RBM41: variants seen among roughly 807,000 people sequenced by gnomAD.
RBM41 encodes the protein RNA binding motif protein 41, also known as RNA-binding protein 41.
RBM41 carries 14 observed loss-of-function variants against 30.8 expected under a neutral mutation model. That is an observed-to-expected ratio of 0.45 (90% CI 0.30 to 0.71). The LOEUF (loss-of-function observed/expected upper bound fraction) is 0.71. Among genes scored for constraint, RBM41 ranks in the 30% least tolerant of loss-of-function variants. The probability of loss-of-function intolerance (pLI) is 0.08; values close to 1 mark genes in which losing one functional copy is unlikely to be tolerated. For synonymous variants in RBM41, 120 were observed against 110.1 expected (o/e 1.09, Z -0.56); for missense variants, 276 against 326.3 (o/e 0.85, Z 1.19).
intron 5 of RBM41, among the ~76,000 whole-genome samples, chrX:107,105,643 C>T (rs777501530): frequency 9.0e-6 from 1 of 111,573 alleles, no homozygotes; most frequent in South Asian, 3.8e-4. Flanking sequence ...GTAACCAAAA[C>T]AGCATGGTAC....
chrX:107,104,954 G>A (rs1213287446), intron 5 of RBM41, among the ~76,000 whole-genome samples: 1 of 110,380 alleles, frequency 9.1e-6, no homozygotes, highest in Non-Finnish European at 1.9e-5. Flanking sequence ...TTGAAAACTG[G>A]CACAAGACAG....
chrX:107,110,217 T>C (rs1021611515), intron 5 of RBM41, among the ~76,000 whole-genome samples: 5 of 110,859 alleles, frequency 4.5e-5, no homozygotes, highest in Admixed American at 2.9e-4. Context: ...AAATGGATCA[T>C]AGATCTAAAT....
At chrX:107,052,582 T>C in the RBM41 span, among the ~76,000 whole-genome samples, 1 of 111,261 alleles carries the variant, frequency 9.0e-6, no homozygotes, top group South Asian at 3.8e-4. Context: ...GCCTTTGATG[T>C]CATTAACATC....
chrX:107,067,572 G>A lies in RBM41; in HGVS notation c.1269C>T (p.Leu423=). The A allele has an allele frequency of 8.3e-7, 1 of 1,210,383 alleles. No individual in the cohort carries two copies. Among genetic ancestry groups the A allele is most frequent in the Non-Finnish European group, 1.1e-6 (1 of 894,704 alleles). ...KQRSNLQATS[L]ISCATGSTTE... The stretch of plus-strand genomic sequence containing the variant: ...TAGTGCTACCTGTAGCACATGATAT[G>A]AGAGAAGTCGCTTGGAGATTTGACC... Residue 423 remains leucine, a synonymous_variant, in exon 8 of 8, where the codon CTC becomes CTT. Transcript: ENST00000685964.
intron 1 of RBM41, among the ~76,000 whole-genome samples, chrX:107,118,366 C>G (rs1338501984): frequency 8.9e-6 from 1 of 111,759 alleles, no homozygotes; most frequent in African/African-American, 3.3e-5. Flanking sequence ...GCGCCCGCCC[C>G]GAGCCTTTCT....
chrX:107,104,823 T>C (rs184538768), intron 5 of RBM41, among the ~76,000 whole-genome samples: 104 of 111,226 alleles, frequency 9.4e-4, no homozygotes, highest in African/African-American at 3.2e-3. Flanking sequence ...GATTTTTGCA[T>C]TGAATGAAAA....
At chrX:107,068,888 T>C (rs1432974577) in intron 7 of RBM41, among the ~76,000 whole-genome samples, 1 of 112,267 alleles carries the variant, frequency 8.9e-6, no homozygotes, top group Non-Finnish European at 1.9e-5. Context: ...TCTCACTTAG[T>C]CCTAAAGGAA....
intron 4 of RBM41, chrX:107,114,636 T>A (rs1924753350): frequency 9.0e-6 from 1 of 110,804 alleles, no homozygotes; most frequent in Admixed American, 9.7e-5. Context: ...CAGTGGCCTT[T>A]GCCTCCTCTG....
At position 107,064,200 on chromosome X, in the gene RBM41, G is replaced by A. The variant is rs755855263; in HGVS notation, c.*3327C>T. 4.5e-5 allele frequency among the ~76,000 whole-genome samples: 5 copies of A among 109,969 alleles called. No individual in the cohort carries two copies. Among genetic ancestry groups the A allele is most frequent in the Non-Finnish European group, 7.6e-5 (4 of 52,767 alleles). ...TCTCCTGACCCCATGATCTCCACCCGCCCCGGCCTCCCAAAGTGCTGGGAT... is the reference window on the plus strand; with the variant it reads ...TCTCCTGACCCCATGATCTCCACCCACCCCGGCCTCCCAAAGTGCTGGGAT... On this transcript the variant is annotated 3_prime_UTR_variant, in exon 8 of 8. Transcript: ENST00000685964.
At chrX:107,081,272 G>T (rs1272198104) in intron 6 of RBM41, among the ~76,000 whole-genome samples, 1 of 111,080 alleles carries the variant, frequency 9.0e-6, no homozygotes, top group Non-Finnish European at 1.9e-5. Flanking sequence ...TTGTTGAAAA[G>T]ACTATTCTTT....
chrX:107,065,791 T>A lies in RBM41; in HGVS notation c.*1736A>T. The A allele has an allele frequency of 1.8e-6, 2 of 1,134,981 alleles. No individual in the cohort carries two copies. The highest frequency in any genetic ancestry group is 2.3e-6 in the Non-Finnish European group (2 of 856,861). 93.5% of individuals were successfully genotyped at this position (1,134,981 alleles called of 1,213,427 possible). ...CGGCAAATATATTATATTTTATACGTTATAGGCCAAACGATGCAACTATAT... is the reference window on the plus strand; with the variant it reads ...CGGCAAATATATTATATTTTATACGATATAGGCCAAACGATGCAACTATAT... On this transcript the variant is annotated 3_prime_UTR_variant, in exon 8 of 8. Coordinates refer to ENST00000685964, the MANE Select transcript of RBM41 (RefSeq NM_001324242.2).
rs1258795774 is a variant in RBM41 at position 107,070,434 on chromosome X, A to G, written c.1000-1032T>C. The stretch of plus-strand genomic sequence containing the variant: ...GGGAAAACTGGTAAGTCCTAGGAGG[A>G]AAGATATAAAAATACTGACTTGGGA... On this transcript the variant is annotated intron_variant, in intron 6 of 7. Transcript: ENST00000685964. 1.0e-5 allele frequency: 3 copies of G among 296,397 alleles called. No homozygotes were observed. The Admixed American group carries it at 1.1e-4, about 11-fold the overall frequency. 24.4% of individuals were successfully genotyped at this position (296,397 alleles called of 1,213,427 possible). A position where few individuals can be genotyped will look rare whatever the true frequency, so the allele number is the denominator to read the frequency against.
chrX:107,105,328 T>TTCAAGGAGAACTACAAACCACTGC (rs1238910234), intron 5 of RBM41, among the ~76,000 whole-genome samples: 2 of 106,443 alleles, frequency 1.9e-5, no homozygotes, highest in Non-Finnish European at 3.9e-5. Flanking sequence ...GAAGGACCTC[T>TTCAAGGAGAACTACAAACCACTGC]TCAAGGAGAA....
At position 107,066,611 on chromosome X, in the gene RBM41, AG is replaced by A. The variant is rs964832549; in HGVS notation, c.*915del. 4 of 527,359 alleles carry A rather than the reference AG, an allele frequency of 7.6e-6. No homozygotes were observed. The African/African-American group carries it at 1.0e-4, about 14-fold the overall frequency. 43.5% of individuals were successfully genotyped at this position (527,359 alleles called of 1,213,427 possible). On this transcript the variant is annotated 3_prime_UTR_variant, in exon 8 of 8. Transcript: ENST00000685964. ...GAGGCTCAGATTAAGTGACTTGCCAAGGTCATAGAATGTTAAGTGTGGCTGT... is the reference window on the plus strand; with the variant it reads ...GAGGCTCAGATTAAGTGACTTGCCAAGTCATAGAATGTTAAGTGTGGCTGT...
chrX:107,070,382 G>C lies in RBM41; in HGVS notation c.1000-980C>G, dbSNP rs182412174. On this transcript the variant is annotated intron_variant, in intron 6 of 7. Coordinates refer to ENST00000685964, the MANE Select transcript of RBM41 (RefSeq NM_001324242.2). ...CTCCTAGAACGCTGGTAGTACCCTC[G>C]TAAGAAAGATTTTGGAAGTCTTCTC... 2.8e-5 allele frequency: 9 copies of C among 326,258 alleles called. No homozygotes were observed. The Admixed American group carries it at 2.9e-4, about 10-fold the overall frequency. 26.9% of individuals were successfully genotyped at this position (326,258 alleles called of 1,213,427 possible). A position where few individuals can be genotyped will look rare whatever the true frequency, so the allele number is the denominator to read the frequency against.
At chrX:107,117,063 C>T (rs920011070) in intron 1 of RBM41, among the ~76,000 whole-genome samples, 13 of 111,846 alleles carry the variant, frequency 1.2e-4, no homozygotes, top group Non-Finnish European at 1.9e-5. Flanking sequence ...GTGCATGTGC[C>T]TTGGCAGCGG....
intron 5 of RBM41, among the ~76,000 whole-genome samples, chrX:107,098,608 G>A (rs189553165): frequency 0.011 from 1,265 of 111,700 alleles, 33 homozygotes; most frequent in African/African-American, 0.039. Flanking sequence ...AGGGAAAAAA[G>A]GAACTGGAAC....
At position 107,064,241 on chromosome X, in the gene RBM41, C is replaced by T. The variant is rs1020331754; in HGVS notation, c.*3286G>A. 9.0e-6 allele frequency among the ~76,000 whole-genome samples: 1 copy of T among 111,569 alleles called. No individual in the cohort carries two copies. The highest frequency in any genetic ancestry group is 3.3e-5 in the African/African-American group (1 of 30,742). ...GTGCTGGGATTACAGGCGTAAGCCA[C>T]TGTGCCTGGTCTTTTTTCTTCTTAA... On this transcript the variant is annotated 3_prime_UTR_variant, in exon 8 of 8. Transcript: ENST00000685964.
chrX:107,072,448 G>A (rs910423206), intron 6 of RBM41, among the ~76,000 whole-genome samples: 1 of 110,862 alleles, frequency 9.0e-6, no homozygotes, highest in African/African-American at 3.3e-5. Context: ...TAACCAAGGA[G>A]GTAAAAGGCC....
Sources: allele counts gnomAD v4.1 joint callset (sites outside exome capture counted in the v4.1 genomes callset), GRCh38; gene constraint gnomAD v4.1.1; transcripts MANE v1.5; gene names NCBI Gene and HGNC (gene_info 2026-07-23, HGNC 2026-07-21).